The following HCN1 variants were observed in gnomAD, a reference collection of about 807,000 sequenced individuals.
HCN1 encodes potassium/sodium hyperpolarization-activated cyclic nucleotide-gated channel 1.
In HCN1, 13 loss-of-function variants were observed where a neutral mutation model predicts 78.9. The ratio of observed to expected loss-of-function variants is 0.16; its 90% CI spans 0.11 to 0.26. The LOEUF (loss-of-function observed/expected upper bound fraction) is 0.26, where lower values mean the gene tolerates loss of function less well. Ranked by LOEUF, HCN1 falls within the 10% of genes least tolerant of loss-of-function variation. The probability of loss-of-function intolerance (pLI) is 1.00; values close to 1 mark genes in which losing one functional copy is unlikely to be tolerated. For synonymous variants in HCN1, 552 were observed against 455.5 expected, an observed-to-expected ratio of 1.21 and a Z score of -2.70; for missense variants, 810 against 1,154.3, an observed-to-expected ratio of 0.70 and a Z score of 4.32.
At chr5:45,504,778 T>G (rs1207883775) in intron 2 of HCN1, among the ~76,000 whole-genome samples, 5 of 152,236 alleles carry the variant, frequency 3.3e-5, no homozygotes, top group East Asian at 1.9e-4. Context: ...CCTGACTTTT[T>G]AATGATTGTC....
intron 5 of HCN1, among the ~76,000 whole-genome samples, chr5:45,316,427 G>A (rs1745993654): frequency 6.6e-6 from 1 of 152,026 alleles, no homozygotes; most frequent in South Asian, 2.1e-4. Flanking sequence ...AATAATAAGA[G>A]CTACTTAAGA....
At chr5:45,449,122 T>A (rs1313776540) in intron 3 of HCN1, among the ~76,000 whole-genome samples, 10 of 152,082 alleles carry the variant, frequency 6.6e-5, no homozygotes, top group Non-Finnish European at 5.9e-5. Flanking sequence ...ATCGTTTTAT[T>A]TAGTTGGCAT....
chr5:45,401,797 C>T (rs1739812122), intron 3 of HCN1, among the ~76,000 whole-genome samples: 1 of 151,512 alleles, frequency 6.6e-6, no homozygotes, highest in Admixed American at 6.6e-5. Context: ...TATATATTGT[C>T]TCTATAAAAA....
At chr5:45,314,649 G>C (rs1253944005) in intron 5 of HCN1, among the ~76,000 whole-genome samples, 1 of 152,090 alleles carries the variant, frequency 6.6e-6, no homozygotes, top group Non-Finnish European at 1.5e-5. Context: ...AGACCCATCA[G>C]TGTGCTGTAT....
intron 4 of HCN1, among the ~76,000 whole-genome samples, chr5:45,358,439 T>C (rs1348050126): frequency 1.3e-5 from 2 of 152,096 alleles, no homozygotes; most frequent in African/African-American, 4.8e-5. Flanking sequence ...ATGTAAGTTT[T>C]ACCTACCAAA....
intron 2 of HCN1, among the ~76,000 whole-genome samples, chr5:45,521,703 A>G (rs1418578769): frequency 6.6e-6 from 1 of 151,920 alleles, no homozygotes; most frequent in Non-Finnish European, 1.5e-5. Flanking sequence ...TGAGTACTTC[A>G]CCATATCTTT....
chr5:45,595,734 G>A (rs1457782922), intron 2 of HCN1, among the ~76,000 whole-genome samples: 1 of 151,132 alleles, frequency 6.6e-6, no homozygotes, highest in African/African-American at 2.4e-5. Flanking sequence ...GACTCTATAT[G>A]AAACAATTAA....
At chr5:45,380,590 A>G (rs992826422) in intron 4 of HCN1, among the ~76,000 whole-genome samples, 5 of 152,100 alleles carry the variant, frequency 3.3e-5, no homozygotes, top group African/African-American at 1.2e-4. Flanking sequence ...AAATGGTAAA[A>G]ATGATATATT....
At chr5:45,428,245 T>G (rs1411928073) in intron 3 of HCN1, among the ~76,000 whole-genome samples, 2 of 152,056 alleles carry the variant, frequency 1.3e-5, no homozygotes, top group Non-Finnish European at 1.5e-5. Flanking sequence ...ATGAAACAAT[T>G]GATATATTGT....
At chr5:45,444,840 T>C (rs1427398980) in intron 3 of HCN1, among the ~76,000 whole-genome samples, 4 of 152,110 alleles carry the variant, frequency 2.6e-5, no homozygotes, top group Admixed American at 6.5e-5. Flanking sequence ...TTAGGGTACA[T>C]GTGCACAATG....
chr5:45,576,786 T>G (rs75562081), intron 2 of HCN1, among the ~76,000 whole-genome samples: 2,126 of 152,190 alleles, frequency 0.014, 51 homozygotes, highest in African/African-American at 0.048. Flanking sequence ...ATATTAACTT[T>G]ATTCTGGTGT....
intron 1 of HCN1, among the ~76,000 whole-genome samples, chr5:45,667,087 G>A (rs1746064942): frequency 6.6e-6 from 1 of 152,048 alleles, no homozygotes; most frequent in African/African-American, 2.4e-5. Flanking sequence ...GTAAGAGGAA[G>A]AGGAAGAGCC....
intron 1 of HCN1, among the ~76,000 whole-genome samples, chr5:45,664,463 TA>T (rs1005693251): frequency 7.2e-5 from 7 of 97,300 alleles, no homozygotes; most frequent in South Asian, 3.1e-4. Context: ...ATAATAATAA[TA>T]AAAAAAAGAA....
intron 4 of HCN1, among the ~76,000 whole-genome samples, chr5:45,359,959 A>ATT (rs1005978209): frequency 8.0e-5 from 12 of 149,432 alleles, no homozygotes; most frequent in African/African-American, 2.2e-4. Context: ...ATATATATAT[A>ATT]TTTTTTTTAC....
chr5:45,545,116 T>C (rs1283171945), intron 2 of HCN1, among the ~76,000 whole-genome samples: 1 of 152,106 alleles, frequency 6.6e-6, no homozygotes, highest in Non-Finnish European at 1.5e-5. Context: ...ACCTGTTGTT[T>C]CCTGACTTTT....
At chr5:45,305,676 A>G (rs2111908133) in intron 5 of HCN1, among the ~76,000 whole-genome samples, 1 of 148,378 alleles carries the variant, frequency 6.7e-6, no homozygotes, top group East Asian at 2.2e-4. Context: ...GAAATGAAGG[A>G]GGGGAGGAAG....
At chr5:45,276,058 T>C (rs1371552335) in intron 6 of HCN1, among the ~76,000 whole-genome samples, 1 of 152,172 alleles carries the variant, frequency 6.6e-6, no homozygotes, top group African/African-American at 2.4e-5. Flanking sequence ...TGTTTTCCTA[T>C]GTGGCTTAAT....
At chr5:45,467,421 A>C (rs1415377841) in intron 2 of HCN1, among the ~76,000 whole-genome samples, 4 of 152,114 alleles carry the variant, frequency 2.6e-5, no homozygotes, top group African/African-American at 9.7e-5. Context: ...CTGGCATCAA[A>C]CAACCTCCCA....
chr5:45,523,852 C>T (rs1382289881), intron 2 of HCN1, among the ~76,000 whole-genome samples: 1 of 152,086 alleles, frequency 6.6e-6, no homozygotes. Flanking sequence ...TGTGCAGAAG[C>T]TCTTTAGTTT....
Sources: allele counts gnomAD v4.1 joint callset (sites outside exome capture counted in the v4.1 genomes callset), GRCh38; gene constraint gnomAD v4.1.1; transcripts MANE v1.5; gene names NCBI Gene and HGNC (gene_info 2026-07-23, HGNC 2026-07-21).